Variants in PLXNA4 observed in about 807,000 individuals in gnomAD.
The protein encoded by PLXNA4 is plexin A4, also known as plexin-A4.
Under a neutral mutation model 191.8 loss-of-function variants are expected in PLXNA4, and 44 were observed. That is an observed-to-expected ratio of 0.23 (90% confidence interval 0.18 to 0.29). The LOEUF is 0.29. Among genes scored for constraint, PLXNA4 ranks in the 10% least tolerant of loss-of-function variants. The probability of loss-of-function intolerance (pLI) is 1.00; values close to 1 mark genes in which losing one functional copy is unlikely to be tolerated. For missense variants in PLXNA4, 1,800 were observed against 2,488.8 expected, an observed-to-expected ratio of 0.72 and a Z score of 5.89; for synonymous variants, 1,082 against 1,009.5, an observed-to-expected ratio of 1.07 and a Z score of -1.36.
chr7:132,146,816 T>C (rs1237765755), intron 27 of PLXNA4, 116 bp from the exon 28 acceptor site: 4 of 1,530,706 alleles, frequency 2.6e-6, no homozygotes, highest in African/African-American at 1.4e-5. Flanking sequence ...ATTCCTGCCA[T>C]TGGTCGGTGC....
intron 1 of PLXNA4, among the ~76,000 whole-genome samples, chr7:132,568,185 C>T (rs1159620634): frequency 6.6e-6 from 1 of 152,174 alleles, no homozygotes; most frequent in East Asian, 1.9e-4. Flanking sequence ...TCAGTGCTTT[C>T]ATTATTTCTT....
chr7:132,136,681 C>T (rs1270156253), intron 30 of PLXNA4, among the ~76,000 whole-genome samples: 1 of 152,190 alleles, frequency 6.6e-6, no homozygotes, highest in Non-Finnish European at 1.5e-5. Context: ...CAGAGAGTGA[C>T]AGTGCGTATC....
intron 8 of PLXNA4, among the ~76,000 whole-genome samples, chr7:132,223,913 T>A (rs1798227843): frequency 6.6e-6 from 1 of 151,864 alleles, no homozygotes; most frequent in African/African-American, 2.4e-5. Flanking sequence ...TGGGATAACA[T>A]CCTCCTTTTC....
chr7:132,298,108 T>C lies in PLXNA4; in HGVS notation c.1486A>G (p.Ile496Val), dbSNP rs771180043. The C allele has an allele frequency of 5.0e-6, 8 of 1,614,142 alleles. No individual in the cohort carries two copies. The highest frequency in any genetic ancestry group is 5.9e-6 in the Non-Finnish European group (7 of 1,180,020). Residue 496 changes from isoleucine to valine, a missense_variant, in exon 4 of 32, where the codon ATC becomes GTC. Transcript: ENST00000321063. ...AGCCTTACCTGCCTCTCTGACATGA[T>C]GTAGAGTTGCTCGTGGTCCTTGGAG... ...AFSKDHEQLYIMSERQLTRVP... is the reference protein window; with the variant it reads ...AFSKDHEQLYVMSERQLTRVP...
intron 2 of PLXNA4, among the ~76,000 whole-genome samples, chr7:132,643,183 C>G (rs1157233449): frequency 2.0e-5 from 3 of 152,130 alleles, no homozygotes; most frequent in Non-Finnish European, 4.4e-5. Flanking sequence ...TGCATGTGGA[C>G]AGGTAATGAT....
intron 2 of PLXNA4, among the ~76,000 whole-genome samples, chr7:132,604,181 C>A (rs1802879573): frequency 6.6e-6 from 1 of 152,132 alleles, no homozygotes; most frequent in Non-Finnish European, 1.5e-5. Context: ...GGCCAATATG[C>A]ATGCCTTTCC....
At chr7:132,229,572 T>A (rs1011367028) in intron 5 of PLXNA4, among the ~76,000 whole-genome samples, 1 of 152,102 alleles carries the variant, frequency 6.6e-6, no homozygotes, top group African/African-American at 2.4e-5. Context: ...CAAGAGGAGA[T>A]GAGACAGCAG....
intron 4 of PLXNA4, among the ~76,000 whole-genome samples, chr7:132,297,435 G>A (rs1801129143): frequency 1.3e-5 from 2 of 152,138 alleles, no homozygotes; most frequent in African/African-American, 4.8e-5. Flanking sequence ...CCTGAGCTCA[G>A]GGACTCCAGA....
intron 3 of PLXNA4, among the ~76,000 whole-genome samples, chr7:132,311,772 A>G (rs7788831): frequency 0.2 from 30,622 of 152,176 alleles, 3,444 homozygotes; most frequent in Middle Eastern, 0.29. Context: ...ATGAGGACCC[A>G]GAAATTCATG....
intron 16 of PLXNA4, 129 bp downstream of exon 16, chr7:132,185,170 T>C: frequency 7.5e-7 from 1 of 1,341,746 alleles, no homozygotes; most frequent in Middle Eastern, 2.7e-4. Context: ...TTGGGGGTGT[T>C]TGGAATCAAT....
intron 25 of PLXNA4, among the ~76,000 whole-genome samples, chr7:132,151,336 G>A (rs1584767394): frequency 3.6e-4 from 25 of 69,660 alleles, no homozygotes; most frequent in Non-Finnish European, 6.1e-4. Context: ...GAAGAAGAAG[G>A]AGGAGGAGGA....
Position 132,180,628 on chromosome 7 carries a change from C to T in PLXNA4, c.3597G>A (p.Leu1199=). ...PCTVTVSDVQ[L]LCESPNLIGR... is the part of the protein sequence containing the mutation. ...CGATGAGGTTGGGGGACTCGCAGAG[C>T]AGCTGGACATCTGACACGGTCACGG... The change falls in exon 19 of 32, where the codon CTG becomes CTA. Residue 1199 remains leucine (L), a synonymous_variant. Coordinates refer to ENST00000321063, the MANE Select transcript of PLXNA4 (RefSeq NM_020911.2). 1.9e-6 allele frequency: 3 copies of T among 1,614,212 alleles called. No individual in the cohort carries two copies. The highest frequency in any genetic ancestry group is 2.5e-6 in the Non-Finnish European group (3 of 1,180,044).
chr7:132,229,886 G>A (rs1798466853), intron 5 of PLXNA4, among the ~76,000 whole-genome samples: 1 of 152,052 alleles, frequency 6.6e-6, no homozygotes, highest in Admixed American at 6.6e-5. Flanking sequence ...AGCTATGGGG[G>A]TTTCTCCTCC....
chr7:132,198,108 A>G (rs2116842026), intron 13 of PLXNA4, among the ~76,000 whole-genome samples: 1 of 152,318 alleles, frequency 6.6e-6, no homozygotes, highest in Middle Eastern at 3.4e-3. Context: ...CACAGAGAGT[A>G]GCACAGGATC....
intron 3 of PLXNA4, among the ~76,000 whole-genome samples, chr7:132,387,749 G>A (rs1002975132): frequency 2.6e-5 from 4 of 152,190 alleles, no homozygotes; most frequent in Non-Finnish European, 2.9e-5. Context: ...AATGGAGATT[G>A]TGGGCGGCCC....
At chr7:132,231,719 C>T (rs1798529023) in intron 5 of PLXNA4, among the ~76,000 whole-genome samples, 1 of 152,226 alleles carries the variant, frequency 6.6e-6, no homozygotes, top group Non-Finnish European at 1.5e-5. Flanking sequence ...GCCACCATGC[C>T]CAGCCCAGAA....
chr7:132,166,575 A>G (rs950608226), intron 22 of PLXNA4, among the ~76,000 whole-genome samples: 5 of 151,894 alleles, frequency 3.3e-5, no homozygotes, highest in African/African-American at 4.8e-5. Context: ...GGTAGTTGGG[A>G]GGCTGCCGGC....
chr7:132,266,714 C>T (rs1015182038), intron 4 of PLXNA4, among the ~76,000 whole-genome samples: 1 of 152,226 alleles, frequency 6.6e-6, no homozygotes, highest in African/African-American at 2.4e-5. Context: ...AACGTGCTTA[C>T]TGTCTTTCTG....
intron 2 of PLXNA4, among the ~76,000 whole-genome samples, chr7:132,489,871 C>T (rs1337098473): frequency 6.6e-6 from 1 of 152,176 alleles, no homozygotes; most frequent in African/African-American, 2.4e-5. Flanking sequence ...TCTGCTCAGG[C>T]ACAAGAGGGA....
Sources: gnomAD v4.1 joint callset for allele counts (sites outside exome capture counted in the v4.1 genomes callset) on GRCh38, gnomAD v4.1.1 for gene constraint, MANE v1.5 for transcripts, NCBI Gene and HGNC (gene_info 2026-07-23, HGNC 2026-07-21) for gene names.